PTPRM: variants seen among roughly 807,000 people sequenced by gnomAD.
PTPRM encodes protein tyrosine phosphatase receptor type M, also known as receptor-type tyrosine-protein phosphatase mu.
PTPRM carries 47 observed loss-of-function variants against 186.7 expected under a neutral mutation model. That is an observed-to-expected ratio of 0.25 (90% confidence interval 0.20 to 0.32). The LOEUF (loss-of-function observed/expected upper bound fraction) is 0.32, where lower values mean the gene tolerates loss of function less well. PTPRM is among the 10% of genes least tolerant of loss of function. The probability of loss-of-function intolerance (pLI) is 1.00; values close to 1 mark genes in which losing one functional copy is unlikely to be tolerated. For missense variants in PTPRM, 1,494 were observed against 1,865.0 expected (o/e 0.80, Z 3.66); for synonymous variants, 668 against 674.9 (o/e 0.99, Z 0.16).
Position 7,591,968 on chromosome 18 carries a change from C to A in PTPRM, c.73+24077C>A, listed in dbSNP as rs1360198713. Among the ~76,000 whole-genome samples, 4 of 152,148 alleles carry A rather than the reference C, an allele frequency of 2.6e-5. No homozygotes were observed. The East Asian group carries it at 7.7e-4, about 29-fold the overall frequency. On this transcript the variant is annotated intron_variant, in intron 1 of 32. Transcript: ENST00000580170. ...TCCCTATGTGTCCCGTTGCTTATTC[C>A]TGCCTGCTGATAATTCTGTTCCCAG...
At chr18:8,084,583 G>GTA (rs1213237648) in intron 9 of PTPRM, among the ~76,000 whole-genome samples, 10 of 152,228 alleles carry the variant, frequency 6.6e-5, no homozygotes, top group African/African-American at 2.4e-4. Flanking sequence ...TAATGACATG[G>GTA]TATAAATATA....
intron 20 of PTPRM, among the ~76,000 whole-genome samples, chr18:8,308,673 C>T (rs1451998134): frequency 6.6e-6 from 1 of 152,114 alleles, no homozygotes; most frequent in Admixed American, 6.5e-5. Flanking sequence ...TAACAGATAC[C>T]CTATTAGACA....
At chr18:7,597,152 GT>G (rs1484263193) in intron 1 of PTPRM, among the ~76,000 whole-genome samples, 1 of 152,072 alleles carries the variant, frequency 6.6e-6, no homozygotes, top group Non-Finnish European at 1.5e-5. Flanking sequence ...GCCAGCCTTC[GT>G]TTATCTTTTA....
At chr18:8,343,111 G>A (rs2095484621) in intron 22 of PTPRM, among the ~76,000 whole-genome samples, 1 of 138,244 alleles carries the variant, frequency 7.2e-6, no homozygotes, top group African/African-American at 2.5e-5. Flanking sequence ...TCACTCTTGA[G>A]TACTATGGAG....
Position 8,088,743 on chromosome 18 carries a change from C to T in PTPRM, c.1754-6C>T, listed in dbSNP as rs143759203. On this transcript the variant is annotated splice_region_variant and splice_polypyrimidine_tract_variant and intron_variant, in intron 10 of 32. Transcript: ENST00000580170. ...TGAGTCTCCCATTCTACGCCTTTTT[C>T]CCCAGCACCCTCTATGCCAGCTTAT... 6.7e-4 allele frequency: 1,081 copies of T among 1,602,372 alleles called. No individual in the cohort carries two copies. Among genetic ancestry groups the T allele is most frequent in the Admixed American group, 9.0e-4 (54 of 59,848 alleles).
intron 2 of PTPRM, among the ~76,000 whole-genome samples, chr18:7,788,787 T>C (rs960271347): frequency 6.6e-6 from 1 of 152,206 alleles, no homozygotes; most frequent in African/African-American, 2.4e-5. Context: ...TTTGCTAATA[T>C]TTGAAAGGCA....
chr18:8,259,952 C>T (rs1204764258), intron 19 of PTPRM, among the ~76,000 whole-genome samples: 2 of 152,130 alleles, frequency 1.3e-5, no homozygotes, highest in Non-Finnish European at 2.9e-5. Flanking sequence ...CCAGATCTCC[C>T]TCTTATTTAC....
intron 7 of PTPRM, among the ~76,000 whole-genome samples, chr18:8,032,191 C>G (rs1379888328): frequency 6.6e-6 from 1 of 152,140 alleles, no homozygotes; most frequent in Admixed American, 6.5e-5. Context: ...AGCCACATTG[C>G]TTGGATTCTA....
chr18:8,385,906 G>A (rs373725837), intron 30 of PTPRM, among the ~76,000 whole-genome samples: 26 of 152,228 alleles, frequency 1.7e-4, no homozygotes, highest in South Asian at 8.3e-4. Flanking sequence ...ATGGTGAGAC[G>A]GGAGAGAGCA....
At chr18:8,029,337 C>A (rs1044058951) in intron 7 of PTPRM, among the ~76,000 whole-genome samples, 1 of 138,988 alleles carries the variant, frequency 7.2e-6, no homozygotes, top group African/African-American at 2.7e-5. Flanking sequence ...CTGCCTGGAG[C>A]ACCCCTCCCC....
intron 1 of PTPRM, among the ~76,000 whole-genome samples, chr18:7,693,891 G>A (rs551967922): frequency 0.029 from 4,291 of 149,984 alleles, 77 homozygotes; most frequent in Non-Finnish European, 0.04. Flanking sequence ...AGGAGTAGGG[G>A]AAGGAAGAGA....
At chr18:7,595,797 A>T (rs1224562357) in intron 1 of PTPRM, among the ~76,000 whole-genome samples, 1 of 152,096 alleles carries the variant, frequency 6.6e-6, no homozygotes, top group East Asian at 1.9e-4. Flanking sequence ...AGAATATTTG[A>T]ATTTGTGCAC....
At chr18:7,862,059 A>G (rs531136230) in intron 2 of PTPRM, among the ~76,000 whole-genome samples, 2 of 152,330 alleles carry the variant, frequency 1.3e-5, no homozygotes, top group African/African-American at 4.8e-5. Flanking sequence ...GATTGTTTTC[A>G]TGCCGTGTAC....
intron 1 of PTPRM, among the ~76,000 whole-genome samples, chr18:7,768,319 C>T (rs1239763789): frequency 3.3e-5 from 5 of 151,902 alleles, no homozygotes; most frequent in African/African-American, 7.3e-5. Context: ...AGGGAGATCT[C>T]GTCTCTATCA....
intron 1 of PTPRM, among the ~76,000 whole-genome samples, chr18:7,646,034 G>A (rs985386075): frequency 2.0e-5 from 3 of 152,106 alleles, no homozygotes; most frequent in Admixed American, 6.5e-5. Flanking sequence ...TCTTTCTGGC[G>A]AGCTCTGTGG....
At chr18:7,718,035 A>G (rs553251731) in intron 1 of PTPRM, among the ~76,000 whole-genome samples, 20 of 152,068 alleles carry the variant, frequency 1.3e-4, no homozygotes, top group Admixed American at 3.9e-4. Flanking sequence ...CAATACCATC[A>G]TCATTCTTCA....
intron 2 of PTPRM, among the ~76,000 whole-genome samples, chr18:7,845,485 C>T (rs577159179): frequency 6.6e-5 from 10 of 152,162 alleles, no homozygotes; most frequent in South Asian, 2.1e-4. Flanking sequence ...CTTTCATGAC[C>T]GCAAAGTTCC....
At chr18:8,251,041 G>C (rs1321851085) in intron 17 of PTPRM, among the ~76,000 whole-genome samples, 1 of 152,120 alleles carries the variant, frequency 6.6e-6, no homozygotes, top group African/African-American at 2.4e-5. Flanking sequence ...TCATGGACTT[G>C]GTGGTGTTTA....
At chr18:8,389,023 A>G (rs974024338) in intron 31 of PTPRM, among the ~76,000 whole-genome samples, 2 of 152,186 alleles carry the variant, frequency 1.3e-5, no homozygotes, top group Non-Finnish European at 2.9e-5. Context: ...AGCAGTCCAC[A>G]TCCCTATTTT....
Sources: allele counts gnomAD v4.1 joint callset (sites outside exome capture counted in the v4.1 genomes callset), GRCh38; gene constraint gnomAD v4.1.1; transcripts MANE v1.5; gene names NCBI Gene and HGNC (gene_info 2026-07-23, HGNC 2026-07-21).